BTD: variants seen among roughly 807,000 people sequenced by gnomAD.
The protein encoded by BTD is biotinidase.
In BTD, 13 loss-of-function variants were observed where a neutral mutation model predicts 17.7. The observed-to-expected ratio is 0.74, with a 90% CI of 0.48 to 1.17. The LOEUF (loss-of-function observed/expected upper bound fraction) is 1.17, where lower values mean the gene tolerates loss of function less well. BTD is among the 50% of genes most tolerant of loss of function. The probability of loss-of-function intolerance (pLI) is 0.00; values close to 1 mark genes in which losing one functional copy is unlikely to be tolerated. For missense variants in BTD, 674 were observed against 650.4 expected, an observed-to-expected ratio of 1.04 and a Z score of -0.39; for synonymous variants, 240 against 245.2, an observed-to-expected ratio of 0.98 and a Z score of 0.20.
chr3:15,715,538 T>G (rs2072902051), downstream of BTD, among the ~76,000 whole-genome samples: 1 of 152,154 alleles, frequency 6.6e-6, no homozygotes, highest in South Asian at 2.1e-4. Context: ...GACAAGTAAT[T>G]TTACAGAAGT....
rs1367357329 is a variant in BTD, at chr3:15,601,819, A to G, written c.-92A>G. ...TCTCGCCATTGTCTCCGAGTCGGCCAGCTGGAGCGTTTTCGGGGCTGTAAA... is the reference window on the plus strand; with the variant it reads ...TCTCGCCATTGTCTCCGAGTCGGCCGGCTGGAGCGTTTTCGGGGCTGTAAA... On this transcript the variant is annotated 5_prime_UTR_variant, in exon 1 of 4. Transcript: ENST00000643237. 3 of 1,614,176 alleles carry G rather than the reference A, an allele frequency of 1.9e-6. No homozygotes were observed. Among genetic ancestry groups the G allele is most frequent in the East Asian group, 2.2e-5 (1 of 44,878 alleles).
chr3:15,650,058 C>T lies in BTD; in HGVS notation c.*4570C>T, dbSNP rs992272063. Among the ~76,000 whole-genome samples, 2 of 152,232 alleles carry T rather than the reference C, an allele frequency of 1.3e-5. No homozygotes were observed. The highest frequency in any genetic ancestry group is 4.8e-5 in the African/African-American group (2 of 41,462). On this transcript the variant is annotated 3_prime_UTR_variant, in exon 4 of 4. Coordinates refer to ENST00000643237, the MANE Select transcript of BTD (RefSeq NM_001370658.1). ...TATCGTGACTCCACGGAGACCCACC[C>T]TCTAAGACCAGAGCCAGTGTCCTAT...
At chr3:15,716,038 A>C (rs1209609515), downstream of BTD, among the ~76,000 whole-genome samples, 1 of 148,862 alleles carries the variant, frequency 6.7e-6, no homozygotes, top group Non-Finnish European at 1.5e-5. Flanking sequence ...GCTGGAGTAC[A>C]GTGGTGTGAT....
Position 15,630,029 on chromosome 3 carries a change from G to A in BTD, c.-16-5395G>A, listed in dbSNP as rs1316422362. ...AGATTTCCCCACGCAGACGCTGTGTGTCACAGGGGGAATGGGCAGCGTCAC... is the reference window on the plus strand; with the variant it reads ...AGATTTCCCCACGCAGACGCTGTGTATCACAGGGGGAATGGGCAGCGTCAC... On this transcript the variant is annotated intron_variant, in intron 1 of 3. Transcript: ENST00000643237. 3.0e-6 allele frequency: 3 copies of A among 985,290 alleles called. No homozygotes were observed. The African/African-American group carries it at 5.2e-5, about 17-fold the overall frequency. The allele number at this position is 985,290 out of a possible 1,614,324, so 61.0% of individuals were successfully genotyped here. A position where few individuals can be genotyped will look rare whatever the true frequency, so the allele number is the denominator to read the frequency against.
At chr3:15,697,569 G>A (rs967503828) in intron 3 of BTD, among the ~76,000 whole-genome samples, 25 of 151,936 alleles carry the variant, frequency 1.6e-4, no homozygotes, top group African/African-American at 5.1e-4. Context: ...ATTTGCGTAC[G>A]TTGAACCAGC....
chr3:15,701,523 A>C (rs1236771859), intron 3 of BTD, among the ~76,000 whole-genome samples: 1 of 152,136 alleles, frequency 6.6e-6, no homozygotes, highest in Admixed American at 6.6e-5. Context: ...ACACACCTGT[A>C]ATCCCAGCTC....
intron 3 of BTD, among the ~76,000 whole-genome samples, chr3:15,673,737 C>T (rs540454181): frequency 2.6e-5 from 4 of 152,132 alleles, no homozygotes; most frequent in African/African-American, 7.2e-5. Flanking sequence ...ACAGAGTGTT[C>T]AGGCAGAGTA....
In BTD at chr3:15,645,853, T is replaced by A. The variant is rs1422312943; in HGVS notation, c.*365T>A. ...GGCTTGGGGTTTTTTTTTTTTTTTT[T>A]ATCTTGTTGATCAAGTGACACCCAG... On this transcript the variant is annotated 3_prime_UTR_variant, in exon 4 of 4. Transcript: ENST00000643237. The A allele has an allele frequency of 1.1e-5, 2 of 187,828 alleles. No homozygotes were observed. The highest frequency in any genetic ancestry group is 2.4e-5 in the African/African-American group (1 of 40,902). 11.6% of individuals were successfully genotyped at this position (187,828 alleles called of 1,614,324 possible).
In BTD at chr3:15,645,581, T is replaced by G. The variant is rs1363624181; in HGVS notation, c.*93T>G. 2 of 1,468,474 alleles carry G rather than the reference T, an allele frequency of 1.4e-6. No individual in the cohort carries two copies. Among genetic ancestry groups the G allele is most frequent in the Non-Finnish European group, 1.9e-6 (2 of 1,079,024 alleles). 91.0% of individuals were successfully genotyped at this position (1,468,474 alleles called of 1,614,324 possible). ...CAAGCCCTGGGACCATCTTTCTGCC[T>G]TAAGGGCAGGAGCCCACTTCTGTGG... On this transcript the variant is annotated 3_prime_UTR_variant, in exon 4 of 4. Coordinates refer to ENST00000643237, the MANE Select transcript of BTD (RefSeq NM_001370658.1).
intron 1 of BTD, among the ~76,000 whole-genome samples, chr3:15,602,549 TA>T (rs1198352644): frequency 6.6e-6 from 1 of 152,170 alleles, no homozygotes; most frequent in Non-Finnish European, 1.5e-5. Flanking sequence ...ACAATAAACA[TA>T]AAATTTCCAA....
At chr3:15,670,680 G>C (rs2066246720) in intron 3 of BTD, 1 of 994,572 alleles carries the variant, frequency 1.0e-6, no homozygotes, top group African/African-American at 1.6e-5. Flanking sequence ...ATAATAAATT[G>C]CTGTAACCAG....
downstream of BTD, among the ~76,000 whole-genome samples, chr3:15,657,047 C>G (rs2065878762): frequency 6.6e-6 from 1 of 152,208 alleles, no homozygotes; most frequent in African/African-American, 2.4e-5. Context: ...GAAGGCTCCT[C>G]TGGGCCTCTC....
In BTD at chr3:15,641,553, A is replaced by G. The variant is rs184405923; in HGVS notation, c.250-355A>G. 1.5e-3 allele frequency among the ~76,000 whole-genome samples: 236 copies of G among 152,280 alleles called. 1 individual carries two copies. Among genetic ancestry groups the G allele is most frequent in the African/African-American group, 5.4e-3 (223 of 41,562 alleles). On this transcript the variant is annotated intron_variant, in intron 2 of 3. Coordinates refer to ENST00000643237, the MANE Select transcript of BTD (RefSeq NM_001370658.1). ...TATTCAAGGCCCAGTAGTTGGCCCC[A>G]TCTCCCCTGGTATCCTAAGAACTCT... is the stretch of plus-strand genomic sequence containing the variant.
rs558477960 is a variant in BTD, at chr3:15,645,295, G to A, written c.1379G>A (p.Gly460Glu). 3.5e-5 allele frequency: 57 copies of A among 1,614,132 alleles called. No homozygotes were observed. In the East Asian group the frequency reaches 3.8e-4, roughly 11 times the overall value. The change falls in exon 4 of 4, where the codon GGG becomes GAG. Residue 460 changes from glycine (G) to glutamate (E), a missense_variant. Gly to Glu is a moderately conservative substitution (Grantham distance 98, BLOSUM62 -2). Transcript: ENST00000643237. ...TCGQEITEAT[G>E]IFEFHLWGNF... Reference sequence around the variant, plus strand: ...GGACAGGAAATCACAGAGGCCACGGGGATATTTGAGTTTCACCTGTGGGGC... The same window carrying A: ...GGACAGGAAATCACAGAGGCCACGGAGATATTTGAGTTTCACCTGTGGGGC...
At position 15,652,157 on chromosome 3, in the gene BTD, T is replaced by G. The variant is rs2089055; in HGVS notation, c.*6669T>G. 5.9e-5 allele frequency among the ~76,000 whole-genome samples: 9 copies of G among 152,176 alleles called. No homozygotes were observed. Among genetic ancestry groups the G allele is most frequent in the Admixed American group, 4.6e-4 (7 of 15,280 alleles). The stretch of plus-strand genomic sequence containing the variant: ...GTCTGGCCAATATGGTGAAACCCTG[T>G]CTCTATTGAAAATACAAAAATTAGC... On this transcript the variant is annotated 3_prime_UTR_variant, in exon 4 of 4. Transcript: ENST00000643237.
intron 3 of BTD, among the ~76,000 whole-genome samples, chr3:15,643,260 G>A (rs1415923903): frequency 2.0e-5 from 3 of 152,092 alleles, no homozygotes; most frequent in Non-Finnish European, 4.4e-5. Flanking sequence ...CAGCATTCTG[G>A]GAGGCCAAGG....
chr3:15,603,644 G>A (rs928068391), intron 1 of BTD, among the ~76,000 whole-genome samples: 6 of 152,066 alleles, frequency 3.9e-5, no homozygotes, highest in South Asian at 2.1e-4. Flanking sequence ...GGGACAGATC[G>A]AGACTCCGTC....
In BTD at chr3:15,649,235, G is replaced by C. The variant is rs1312242756; in HGVS notation, c.*3747G>C. Among the ~76,000 whole-genome samples the C allele has an allele frequency of 6.6e-6, 1 of 152,214 alleles. No individual in the cohort carries two copies. Among genetic ancestry groups the C allele is most frequent in the African/African-American group, 2.4e-5 (1 of 41,442 alleles). ...CTTGGGTCTTTCCATAGGGATAGCT[G>C]AGTGTCCTCATGATGTGGCCCCTGG... On this transcript the variant is annotated 3_prime_UTR_variant, in exon 4 of 4. Coordinates refer to ENST00000643237, the MANE Select transcript of BTD (RefSeq NM_001370658.1).
At chr3:15,667,682 G>A (rs560166187) in intron 3 of BTD, 3 of 152,174 alleles carry the variant, frequency 2.0e-5, no homozygotes, top group African/African-American at 7.2e-5. Flanking sequence ...CCTTCATTGG[G>A]TGCAGACCAA....
Sources: gnomAD v4.1 joint callset for allele counts (sites outside exome capture counted in the v4.1 genomes callset) on GRCh38, gnomAD v4.1.1 for gene constraint, MANE v1.5 for transcripts, NCBI Gene and HGNC (gene_info 2026-07-23, HGNC 2026-07-21) for gene names.